The following PRELID2 variants were observed in gnomAD, a reference collection of about 807,000 sequenced individuals.
The protein encoded by PRELID2 is PRELI domain containing 2.
A neutral mutation model predicts 28.4 loss-of-function variants in PRELID2; 25 were observed. The ratio of observed to expected loss-of-function variants is 0.88; its 90% CI spans 0.64 to 1.23. The LOEUF is 1.23. PRELID2 is among the 50% of genes most tolerant of loss of function. The probability of loss-of-function intolerance (pLI) is 0.00; values close to 1 mark genes in which losing one functional copy is unlikely to be tolerated. For missense variants in PRELID2, 201 were observed against 214.4 expected, an observed-to-expected ratio of 0.94 and a Z score of 0.39; for synonymous variants, 76 against 71.6, an observed-to-expected ratio of 1.06 and a Z score of -0.31.
At chr5:145,631,050 A>G (rs1233403731) in intron 1 of PRELID2, among the ~76,000 whole-genome samples, 2 of 152,224 alleles carry the variant, frequency 1.3e-5, no homozygotes, top group Non-Finnish European at 2.9e-5. Flanking sequence ...AGGATCATGG[A>G]GATAATCAAA....
intron 1 of PRELID2, among the ~76,000 whole-genome samples, chr5:145,558,806 C>G: frequency 6.6e-6 from 1 of 152,176 alleles, no homozygotes; most frequent in Admixed American, 6.5e-5. Context: ...CATTCATCCT[C>G]AAACCTTTTA....
downstream of PRELID2, among the ~76,000 whole-genome samples, chr5:145,755,259 G>A (rs372513707): frequency 1.3e-5 from 2 of 152,298 alleles, no homozygotes; most frequent in South Asian, 4.2e-4. Context: ...ACTTTCTGGA[G>A]GGCAAACAAC....
chr5:145,414,027 T>C, the PRELID2 span, among the ~76,000 whole-genome samples: 2 of 152,092 alleles, frequency 1.3e-5, no homozygotes, highest in Admixed American at 6.6e-5. Context: ...GAGAAGAAAA[T>C]ATTTCTTATT....
At chr5:145,768,780 G>A (rs943219947) in intron 5 of PRELID2, among the ~76,000 whole-genome samples, 2 of 152,112 alleles carry the variant, frequency 1.3e-5, no homozygotes, top group Non-Finnish European at 1.5e-5. Flanking sequence ...ATTGAAAGAC[G>A]TTATTTATTG....
the PRELID2 span, among the ~76,000 whole-genome samples, chr5:145,254,566 A>G: frequency 6.6e-6 from 1 of 152,098 alleles, no homozygotes; most frequent in Admixed American, 6.6e-5. Flanking sequence ...CTGAGGGCAA[A>G]GCAAGAGAAC....
intron 1 of PRELID2, among the ~76,000 whole-genome samples, chr5:145,628,076 T>C (rs56281245): frequency 0.17 from 26,296 of 152,148 alleles, 3,734 homozygotes; most frequent in African/African-American, 0.38. Context: ...ATATTTTACA[T>C]ACATGACTTG....
intron 1 of PRELID2, among the ~76,000 whole-genome samples, chr5:145,549,979 C>T (rs1752821045): frequency 6.6e-6 from 1 of 152,044 alleles, no homozygotes; most frequent in Non-Finnish European, 1.5e-5. Flanking sequence ...AGTCCTGCCA[C>T]AAGGGAGGCA....
the PRELID2 span, among the ~76,000 whole-genome samples, chr5:145,375,294 G>T: frequency 1.3e-5 from 2 of 152,094 alleles, no homozygotes; most frequent in African/African-American, 2.4e-5. Flanking sequence ...GTTTGTACCT[G>T]CATCTGAAAA....
intron 1 of PRELID2, among the ~76,000 whole-genome samples, chr5:145,537,454 C>G (rs1235075692): frequency 1.3e-5 from 2 of 151,812 alleles, no homozygotes; most frequent in African/African-American, 4.8e-5. Flanking sequence ...TGTAAGTTTC[C>G]CCTTTTATCC....
chr5:145,754,074 C>T (rs1308801675), downstream of PRELID2: 2 of 152,186 alleles, frequency 1.3e-5, no homozygotes, highest in African/African-American at 4.8e-5. Context: ...GTCCTCAAAC[C>T]AGGCTGTAAC....
chr5:145,511,463 C>A (rs1230262419), intron 1 of PRELID2, among the ~76,000 whole-genome samples: 1 of 152,194 alleles, frequency 6.6e-6, no homozygotes, highest in Non-Finnish European at 1.5e-5. Flanking sequence ...CTAATGTATT[C>A]ACCAGGAAAG....
chr5:145,527,983 C>CTCTCA (rs1167787469), intron 1 of PRELID2, among the ~76,000 whole-genome samples: 2 of 152,052 alleles, frequency 1.3e-5, no homozygotes, highest in African/African-American at 4.8e-5. Context: ...ACCATAATTA[C>CTCTCA]TCTCATTTCA....
the PRELID2 span, among the ~76,000 whole-genome samples, chr5:145,431,832 T>C: frequency 6.6e-6 from 1 of 152,188 alleles, no homozygotes; most frequent in African/African-American, 2.4e-5. Context: ...GATAATGATG[T>C]CATATCTATC....
the PRELID2 span, among the ~76,000 whole-genome samples, chr5:145,438,503 G>A: frequency 6.6e-6 from 1 of 152,050 alleles, no homozygotes; most frequent in East Asian, 1.9e-4. Flanking sequence ...CTCCAGCTTT[G>A]GGGATTATCT....
chr5:145,650,631 T>C (rs963448282), intron 1 of PRELID2, among the ~76,000 whole-genome samples: 25 of 136,298 alleles, frequency 1.8e-4, no homozygotes, highest in African/African-American at 7.4e-4. Flanking sequence ...TTTCACACAA[T>C]ATAACAACAA....
intron 1 of PRELID2, among the ~76,000 whole-genome samples, chr5:145,701,602 C>G (rs1263037127): frequency 6.6e-6 from 1 of 152,188 alleles, no homozygotes; most frequent in Non-Finnish European, 1.5e-5. Context: ...CAAGGTGTCA[C>G]TTAGCATTTG....
the PRELID2 span, among the ~76,000 whole-genome samples, chr5:145,446,782 C>T: frequency 6.6e-6 from 1 of 152,214 alleles, no homozygotes; most frequent in Non-Finnish European, 1.5e-5. Flanking sequence ...AGCAGTGGCT[C>T]ACGCCTGTAA....
At chr5:145,274,090 C>T in the PRELID2 span, among the ~76,000 whole-genome samples, 1 of 152,116 alleles carries the variant, frequency 6.6e-6, no homozygotes, top group Admixed American at 6.6e-5. Context: ...AAAGTGCAAG[C>T]ATTTGGGTAT....
At chr5:145,681,229 G>T (rs2149689078) in intron 1 of PRELID2, among the ~76,000 whole-genome samples, 1 of 152,274 alleles carries the variant, frequency 6.6e-6, no homozygotes, top group East Asian at 1.9e-4. Flanking sequence ...GGAAACCAGT[G>T]CTCCTCTGAG....
Sources: gnomAD v4.1 joint callset for allele counts (sites outside exome capture counted in the v4.1 genomes callset) on GRCh38, gnomAD v4.1.1 for gene constraint, MANE v1.5 for transcripts, NCBI Gene and HGNC (gene_info 2026-07-23, HGNC 2026-07-21) for gene names.